The following ADGRG2 variants were observed in gnomAD, a reference collection of about 807,000 sequenced individuals.
The protein encoded by ADGRG2 is adhesion G protein-coupled receptor G2, also known as G protein-coupled receptor 64.
A neutral mutation model predicts 74.1 loss-of-function variants in ADGRG2; 26 were observed. The observed-to-expected ratio is 0.35, with a 90% CI of 0.26 to 0.49. The LOEUF is 0.49. Among genes scored for constraint, ADGRG2 ranks in the 20% least tolerant of loss-of-function variants. The pLI, the probability that ADGRG2 is intolerant of heterozygous loss-of-function variation, is 0.99. For synonymous variants in ADGRG2, 296 were observed against 295.2 expected, an observed-to-expected ratio of 1.00 and a Z score of -0.03; for missense variants, 619 against 763.1, an observed-to-expected ratio of 0.81 and a Z score of 2.22.
chrX:19,028,518 T>TC (rs2060753526), intron 9 of ADGRG2, among the ~76,000 whole-genome samples: 1 of 111,432 alleles, frequency 9.0e-6, no homozygotes, highest in Admixed American at 9.6e-5. Flanking sequence ...AAATAGAGAC[T>TC]CCTAAACAGA....
chrX:19,110,737 A>G (rs1415382610), intron 1 of ADGRG2, among the ~76,000 whole-genome samples: 2 of 110,518 alleles, frequency 1.8e-5, no homozygotes, highest in Non-Finnish European at 3.8e-5. Flanking sequence ...CAGAAGATAA[A>G]GTAGAGGACA....
chrX:19,066,617 G>C (rs775565694), intron 3 of ADGRG2, among the ~76,000 whole-genome samples: 3 of 108,807 alleles, frequency 2.8e-5, no homozygotes, highest in Non-Finnish European at 5.7e-5. Context: ...AACCATGCCC[G>C]GCTAATTTTT....
intron 24 of ADGRG2, among the ~76,000 whole-genome samples, chrX:19,002,226 G>A (rs1422983342): frequency 1.8e-5 from 2 of 110,742 alleles, no homozygotes; most frequent in African/African-American, 6.6e-5. Context: ...AAGTCAGGTG[G>A]AGTTGAGGGT....
chrX:19,049,438 G>GTTTTTTTTTTT lies in ADGRG2; in HGVS notation c.119-9225_119-9215dup, dbSNP rs752686975. Among the ~76,000 whole-genome samples the GTTTTTTTTTTT allele has an allele frequency of 1.5e-3, 124 of 81,946 alleles. 4 individuals carry two copies. The highest frequency in any genetic ancestry group is 3.0e-3 in the African/African-American group (53 of 17,436). 71.2% of individuals were successfully genotyped at this position (81,946 alleles called of 115,157 possible). On this transcript the variant is annotated intron_variant, in intron 3 of 28. Coordinates refer to ENST00000379869, the MANE Select transcript of ADGRG2 (RefSeq NM_001079858.3). ...TGTGTCATATATAAGCGTTTTTTGT[G>GTTTTTTTTTTT]TTTTTTTTTTTTTTTTTTTGTTGTT...
chrX:19,099,213 T>C (rs2062148793), intron 1 of ADGRG2, among the ~76,000 whole-genome samples: 1 of 111,304 alleles, frequency 9.0e-6, no homozygotes, highest in Non-Finnish European at 1.9e-5. Context: ...AATTAAGTGA[T>C]GGGCTGGCAT....
chrX:19,030,566 T>C (rs997184001), intron 9 of ADGRG2, among the ~76,000 whole-genome samples: 10 of 112,291 alleles, frequency 8.9e-5, no homozygotes, highest in African/African-American at 3.2e-4. Context: ...CGCTTTATTC[T>C]TAGCAAGACG....
At chrX:19,052,642 G>A (rs1463007526) in intron 3 of ADGRG2, among the ~76,000 whole-genome samples, 3 of 107,157 alleles carry the variant, frequency 2.8e-5, no homozygotes, top group Non-Finnish European at 3.8e-5. Flanking sequence ...ACATATATAC[G>A]TTTATATATA....
At position 19,003,033 on chromosome X, in the gene ADGRG2, C is replaced by T. The variant is rs776795980; in HGVS notation, c.2043G>A (p.Leu681=). 8.8e-5 allele frequency: 106 copies of T among 1,199,432 alleles called. No homozygotes were observed. The highest frequency in any genetic ancestry group is 8.7e-5 in the Non-Finnish European group (77 of 885,877). ...ALLLLNLVFL[L]DSWIALYKMQ... ...TCTTATACAGAGCAATCCACGAGTC[C>T]AGGAGGAAGACCAGGTTCAGCAGAA... The change falls in exon 24 of 29, where the codon CTG becomes CTA. Residue 681 remains leucine, a synonymous_variant. Transcript: ENST00000379869.
At chrX:18,993,746 A>C (rs1183645711) in intron 28 of ADGRG2, among the ~76,000 whole-genome samples, 1 of 110,821 alleles carries the variant, frequency 9.0e-6, no homozygotes, top group Non-Finnish European at 1.9e-5. Flanking sequence ...AGGAAACGGG[A>C]AAACTGGTAG....
intron 15 of ADGRG2, 163 bp downstream of exon 15, chrX:19,019,436 G>C (rs1331245794): frequency 2.4e-6 from 1 of 424,794 alleles, no homozygotes; most frequent in Non-Finnish European, 4.2e-6. Context: ...CAAACCACTG[G>C]TTTAAGGCAG....
At chrX:19,111,246 C>T (rs1045744384) in intron 1 of ADGRG2, among the ~76,000 whole-genome samples, 4 of 110,820 alleles carry the variant, frequency 3.6e-5, no homozygotes, top group African/African-American at 6.6e-5. Flanking sequence ...GTTTGAGATG[C>T]CTCTTAGAGA....
Position 19,094,239 on chromosome X carries a change from G to A in ADGRG2, c.-46-11493C>T, listed in dbSNP as rs553544536. On this transcript the variant is annotated intron_variant, in intron 1 of 28. Transcript: ENST00000379869. ...AGGGAGGGTGAGAGGTAGGTGAGGG[G>A]TGAGAAATTACCTAACGGCTATAAT... 2.7e-5 allele frequency among the ~76,000 whole-genome samples: 3 copies of A among 111,079 alleles called. No individual in the cohort carries two copies. In the East Asian group the frequency reaches 8.5e-4, roughly 31 times the overall value.
upstream of ADGRG2, chrX:19,122,770 C>T (rs1208976079): frequency 2.7e-5 from 3 of 111,413 alleles, no homozygotes; most frequent in African/African-American, 9.7e-5. Flanking sequence ...GCCGCCCACC[C>T]CACCGCAGCC....
At chrX:19,083,037 T>TC (rs1380569253) in intron 1 of ADGRG2, among the ~76,000 whole-genome samples, 3 of 111,660 alleles carry the variant, frequency 2.7e-5, no homozygotes, top group Non-Finnish European at 3.8e-5. Flanking sequence ...GGAGTCTCAC[T>TC]CTGTCACCCA....
chrX:19,080,864 G>A (rs2061835290), intron 2 of ADGRG2, among the ~76,000 whole-genome samples: 1 of 109,638 alleles, frequency 9.1e-6, no homozygotes. Context: ...CTCAGCTAAA[G>A]AAGATAAGTT....
rs61296210 is a variant in ADGRG2 at position 19,093,902 on chromosome X, T to TACACAC, written c.-46-11162_-46-11157dup. On this transcript the variant is annotated intron_variant, in intron 1 of 28. Transcript: ENST00000379869. ...TGGACATAAATGTGGTATGTAGGTA[T>TACACAC]ACACACACACACACACACACACACA... Among the ~76,000 whole-genome samples, 829 of 100,164 alleles carry TACACAC rather than the reference T, an allele frequency of 8.3e-3. 9 individuals are homozygous for TACACAC. Among genetic ancestry groups the TACACAC allele is most frequent in the African/African-American group, 0.028 (776 of 27,527 alleles). The allele number at this position is 100,164 out of a possible 115,157, so 87.0% of individuals were successfully genotyped here. A position where few individuals can be genotyped will look rare whatever the true frequency, so the allele number is the denominator to read the frequency against.
chrX:19,091,919 T>C (rs1353161044), intron 1 of ADGRG2, among the ~76,000 whole-genome samples: 1 of 112,564 alleles, frequency 8.9e-6, no homozygotes, highest in Non-Finnish European at 1.9e-5. Context: ...TGATGAATGA[T>C]GGACATACTG....
In ADGRG2 at chrX:19,021,985, C is replaced by T. The variant is rs192867738; in HGVS notation, c.549-787G>A. 7.7e-3 allele frequency among the ~76,000 whole-genome samples: 831 copies of T among 107,507 alleles called. 8 individuals carry two copies. Among genetic ancestry groups the T allele is most frequent in the African/African-American group, 0.026 (779 of 29,877 alleles). 93.4% of individuals were successfully genotyped at this position (107,507 alleles called of 115,157 possible). A position where few individuals can be genotyped will look rare whatever the true frequency, so the allele number is the denominator to read the frequency against. On this transcript the variant is annotated intron_variant, in intron 13 of 28. Transcript: ENST00000379869. Reference sequence around the variant, plus strand: ...TTCAAATCCAAAATCTTTCTGGGGCCGGGTGCGGTGGCTCACACCTGTAAT... The same window carrying T: ...TTCAAATCCAAAATCTTTCTGGGGCTGGGTGCGGTGGCTCACACCTGTAAT...
chrX:19,083,542 A>G (rs1193979461), intron 1 of ADGRG2, among the ~76,000 whole-genome samples: 1 of 110,818 alleles, frequency 9.0e-6, no homozygotes, highest in African/African-American at 3.3e-5. Flanking sequence ...CTTGTGCCAG[A>G]GGCAGAATTG....
Sources: allele counts gnomAD v4.1 joint callset (sites outside exome capture counted in the v4.1 genomes callset), GRCh38; gene constraint gnomAD v4.1.1; transcripts MANE v1.5; gene names NCBI Gene and HGNC (gene_info 2026-07-23, HGNC 2026-07-21).